The following RPGR variants were observed in gnomAD, a reference collection of about 807,000 sequenced individuals.
RPGR encodes X-linked retinitis pigmentosa GTPase regulator.
A neutral mutation model predicts 56.3 loss-of-function variants in RPGR; 10 were observed. The observed-to-expected ratio is 0.18, with a 90% CI of 0.11 to 0.30. RPGR has a LOEUF of 0.30. Among genes scored for constraint, RPGR ranks in the 10% least tolerant of loss-of-function variants. RPGR has a pLI of 1.00. For missense variants in RPGR, 538 were observed against 590.9 expected (o/e 0.91, Z 0.93); for synonymous variants, 197 against 212.9 (o/e 0.93, Z 0.65).
intron 7 of RPGR, 48 bp downstream of exon 7, chrX:38,310,567 T>C (rs1471315994): frequency 1.8e-5 from 21 of 1,184,718 alleles, no homozygotes; most frequent in Non-Finnish European, 1.8e-5. Context: ...AAAAATTTCA[T>C]TAGCCACCAC....
intron 17 of RPGR, chrX:38,273,764 C>T (rs1427196305): frequency 5.1e-6 from 1 of 195,326 alleles, no homozygotes; most frequent in Non-Finnish European, 9.4e-6. Context: ...ATACAAATTA[C>T]TTTAAAAATT....
intron 11 of RPGR, among the ~76,000 whole-genome samples, chrX:38,293,327 A>G (rs1297355519): frequency 1.8e-5 from 2 of 111,946 alleles, no homozygotes; most frequent in Admixed American, 9.5e-5. Context: ...ATAAAACTTT[A>G]TTTATAAAAA....
chrX:38,287,241 G>A lies in RPGR; in HGVS notation c.1758C>T (p.Ile586=). ...CCTCTGCTCCTTCCTTCTCCTCTGG[G>A]ATCTCTGACAAGCGATCACATTTAA... The change falls in exon 15 of 19, where the codon ATC becomes ATT. Residue 586 remains isoleucine (I), a synonymous_variant. Coordinates refer to ENST00000642395, the MANE Select transcript of RPGR (RefSeq NM_000328.3). 1 of 1,209,124 alleles carries A rather than the reference G, an allele frequency of 8.3e-7. No homozygotes were observed.
In RPGR at chrX:38,291,450, C is replaced by A. The variant is rs774609177; in HGVS notation, c.1449G>T (p.Glu483Asp). 5 of 1,163,986 alleles carry A rather than the reference C, an allele frequency of 4.3e-6. No individual in the cohort carries two copies. In the South Asian group the frequency reaches 9.0e-5, roughly 21 times the overall value. ...TTTCTACAGTTGAAGAATTATCTAT[C>A]TCTGCTTCTTTGGTCATTTCATCTA... Residue 483 changes from glutamate to aspartate, a missense_variant, in exon 12 of 19, where the codon GAG (glutamate) becomes GAT (aspartate). Around this residue, in one of 2 missense-constraint regions of RPGR, gnomAD observed 357 missense variants for 325.8 expected, o/e 1.10. Coordinates refer to ENST00000642395, the MANE Select transcript of RPGR (RefSeq NM_000328.3).
Position 38,273,461 on chromosome X carries a change from A to G in RPGR, c.2166T>C (p.Asp722=), listed in dbSNP as rs1197947367. ...GGATTTCTAATGAACTGCTATCTGC[A>G]TCATCAAGCATGTATCCTACAATTG... The change falls in exon 18 of 19, where the codon GAT becomes GAC. Residue 722 remains aspartate (D), a synonymous_variant. Transcript: ENST00000642395. 8.4e-7 allele frequency: 1 copy of G among 1,196,262 alleles called. No homozygotes were observed. Among genetic ancestry groups the G allele is most frequent in the African/African-American group, 1.8e-5 (1 of 56,894 alleles).
intron 11 of RPGR, among the ~76,000 whole-genome samples, chrX:38,294,253 G>A (rs1271047655): frequency 8.9e-6 from 1 of 111,752 alleles, no homozygotes; most frequent in East Asian, 2.8e-4. Flanking sequence ...AAAAAGCTGA[G>A]GAAGGCTTCT....
At chrX:38,302,957 C>T (rs899356016) in intron 8 of RPGR, among the ~76,000 whole-genome samples, 6 of 109,332 alleles carry the variant, frequency 5.5e-5, no homozygotes, top group African/African-American at 1.7e-4. Flanking sequence ...ATTACAGGCA[C>T]GCGCTGCCAT....
At chrX:38,291,610 C>T (rs2067280691) in intron 11 of RPGR, 126 bp from the exon 12 acceptor site, 2 of 428,254 alleles carry the variant, frequency 4.7e-6, no homozygotes, top group Non-Finnish European at 4.1e-6. Flanking sequence ...GTCCTTTAAC[C>T]TCATGTCAGG....
intron 7 of RPGR, among the ~76,000 whole-genome samples, chrX:38,305,088 C>T (rs1317564018): frequency 9.0e-6 from 1 of 111,478 alleles, no homozygotes; most frequent in African/African-American, 3.3e-5. Context: ...AGGGAACTAC[C>T]TGAAATGTCC....
In RPGR at chrX:38,285,329, T is replaced by C. The variant is rs1243526032; in HGVS notation, c.1905+1765A>G. 9.4e-6 allele frequency: 10 copies of C among 1,065,435 alleles called. No homozygotes were observed. In the Admixed American group the frequency reaches 3.3e-4, roughly 36 times the overall value. The allele number at this position is 1,065,435 out of a possible 1,213,427, so 87.8% of individuals were successfully genotyped here. On this transcript the variant is annotated intron_variant, in intron 15 of 18. Coordinates refer to ENST00000642395, the MANE Select transcript of RPGR (RefSeq NM_000328.3). Reference sequence around the variant, plus strand: ...ATGTTTTTATAATTTGGGGGGGAAATACACGAAAATTTTAGTTTGAGAGAG... The same window carrying C: ...ATGTTTTTATAATTTGGGGGGGAAACACACGAAAATTTTAGTTTGAGAGAG...
At chrX:38,301,176 T>G (rs1215523838) in intron 9 of RPGR, 71 bp downstream of exon 9, 4 of 927,871 alleles carry the variant, frequency 4.3e-6, no homozygotes, top group Non-Finnish European at 6.0e-6. Context: ...AATTACTTAT[T>G]TTCTATGAAA....
rs200174242 is a variant in RPGR, at chrX:38,287,252, A to C, written c.1754-7T>G. ...TCCTTCTCCTCTGGGATCTCTGACA[A>C]GCGATCACATTTAAAATCATACTTT... On this transcript the variant is annotated splice_region_variant and splice_polypyrimidine_tract_variant and intron_variant, in intron 14 of 18. Transcript: ENST00000642395. 7 of 1,206,833 alleles carry C rather than the reference A, an allele frequency of 5.8e-6. No individual in the cohort carries two copies. In the Admixed American group the frequency reaches 1.5e-4, roughly 26 times the overall value.
rs896503928 is a variant in RPGR, at chrX:38,284,583, G to A, written c.1905+2511C>T. On this transcript the variant is annotated intron_variant, in intron 15 of 18. Coordinates refer to ENST00000642395, the MANE Select transcript of RPGR (RefSeq NM_000328.3). ...AGTTTAGAAATAAAAAATTACAGAA[G>A]ACAAGAGACGTTAAAGCTGTCATAA... is the stretch of plus-strand genomic sequence containing the variant. 1.1e-5 allele frequency: 8 copies of A among 747,170 alleles called. No individual in the cohort carries two copies. In the East Asian group the frequency reaches 1.1e-3, roughly 99 times the overall value. 61.6% of individuals were successfully genotyped at this position (747,170 alleles called of 1,213,427 possible). A position where few individuals can be genotyped will look rare whatever the true frequency, so the allele number is the denominator to read the frequency against.
chrX:38,292,052 A>T (rs1338039973), intron 11 of RPGR, among the ~76,000 whole-genome samples: 1 of 109,326 alleles, frequency 9.1e-6, no homozygotes, highest in Non-Finnish European at 1.9e-5. Flanking sequence ...GCTCTGTAGG[A>T]GTCCATGTTG....
chrX:38,305,173 T>C (rs765662162), intron 7 of RPGR, among the ~76,000 whole-genome samples: 3 of 111,380 alleles, frequency 2.7e-5, no homozygotes, highest in Non-Finnish European at 5.7e-5. Flanking sequence ...CCCAGCACTT[T>C]GGGAGGACGA....
chrX:38,327,201 G>T, intron 1 of RPGR, 139 bp downstream of exon 1: 2 of 572,411 alleles, frequency 3.5e-6, no homozygotes, highest in Non-Finnish European at 5.3e-6. Flanking sequence ...TCATTCGCGG[G>T]AGCGCAACCA....
chrX:38,317,488 G>A (rs1569258062), intron 5 of RPGR, 23 bp from the exon 6 acceptor site: 2 of 1,192,077 alleles, frequency 1.7e-6, no homozygotes, highest in Admixed American at 4.4e-5. Context: ...ATAAAAGGGG[G>A]AGAAAAGGTT....
intron 8 of RPGR, chrX:38,303,488 T>C (rs1317500286): frequency 1.9e-5 from 4 of 211,648 alleles, no homozygotes; most frequent in Non-Finnish European, 8.5e-6. Flanking sequence ...AGATTAAAAA[T>C]AGTATGTATC....
chrX:38,316,555 A>G lies in RPGR; in HGVS notation c.619+761T>C, dbSNP rs201946822. On this transcript the variant is annotated intron_variant, in intron 6 of 18. Coordinates refer to ENST00000642395, the MANE Select transcript of RPGR (RefSeq NM_000328.3). ...CAACCCCAGGAGCCAAAAGTTGCCA[A>G]TAAGTTGGTAGGTAGTGTTGCCTCA... is the stretch of plus-strand genomic sequence containing the variant. Among the ~76,000 whole-genome samples, 15 of 112,143 alleles carry G rather than the reference A, an allele frequency of 1.3e-4. No homozygotes were observed. In the East Asian group the frequency reaches 2.5e-3, roughly 19 times the overall value.
Sources: gnomAD v4.1 joint callset for allele counts (sites outside exome capture counted in the v4.1 genomes callset) on GRCh38, gnomAD v4.1.1 for gene constraint, gnomAD v4.1.1 regional missense constraint, MANE v1.5 for transcripts, NCBI Gene and HGNC (gene_info 2026-07-23, HGNC 2026-07-21) for gene names.